Variants in RAB27B observed in about 807,000 individuals in gnomAD.
RAB27B encodes the protein RAB27B, member RAS oncogene family, also known as ras-related protein Rab-27B.
In RAB27B, 15 loss-of-function variants were observed where a neutral mutation model predicts 24.6. The observed-to-expected ratio is 0.61, with a 90% confidence interval of 0.41 to 0.94. The LOEUF (loss-of-function observed/expected upper bound fraction) is 0.94. Ranked by LOEUF, RAB27B falls within the 40% of genes least tolerant of loss-of-function variation. The pLI, the probability that RAB27B is intolerant of heterozygous loss-of-function variation, is 0.00. For synonymous variants in RAB27B, 105 were observed against 92.5 expected (o/e 1.14, Z -0.78); for missense variants, 261 against 266.8 (o/e 0.98, Z 0.15).
At chr18:54,867,442 C>CTTTTCTTTTTT (rs1555666326) in intron 1 of RAB27B, among the ~76,000 whole-genome samples, 577 of 98,764 alleles carry the variant, frequency 5.8e-3, no homozygotes, top group Non-Finnish European at 7.3e-3. Flanking sequence ...CTTTTCTTTT[C>CTTTTCTTTTTT]TTTTTTTTTT....
At chr18:54,876,899 A>G (rs1912725133) in intron 1 of RAB27B, among the ~76,000 whole-genome samples, 1 of 151,910 alleles carries the variant, frequency 6.6e-6, no homozygotes, top group African/African-American at 2.4e-5. Flanking sequence ...CTAATCCCAA[A>G]TGCACTGGTT....
chr18:54,867,123 G>T (rs1240727577), intron 1 of RAB27B, among the ~76,000 whole-genome samples: 2 of 152,086 alleles, frequency 1.3e-5, no homozygotes, highest in East Asian at 3.9e-4. Flanking sequence ...CACTTTCTTT[G>T]GTTTAAGTTT....
chr18:54,789,664 A>C (rs2145108181), intron 2 of RAB27B, among the ~76,000 whole-genome samples: 1 of 152,218 alleles, frequency 6.6e-6, no homozygotes, highest in Admixed American at 6.5e-5. Flanking sequence ...AGGAAAAAAA[A>C]CAATATGATG....
chr18:54,859,103 C>T (rs1448843807), intron 1 of RAB27B, among the ~76,000 whole-genome samples: 5 of 152,236 alleles, frequency 3.3e-5, no homozygotes, highest in Non-Finnish European at 5.9e-5. Context: ...AGTGACTTTG[C>T]AGAGATGAGA....
Position 54,832,914 on chromosome 18 carries a change from G to A in RAB27B, c.-20+4214G>A, listed in dbSNP as rs73956979. Among the ~76,000 whole-genome samples the A allele has an allele frequency of 1.8e-3, 281 of 152,246 alleles. 1 individual carries two copies. The highest frequency in any genetic ancestry group is 6.6e-3 in the African/African-American group (274 of 41,570). On this transcript the variant is annotated intron_variant, in intron 1 of 5. Coordinates refer to ENST00000262094, the MANE Select transcript of RAB27B (RefSeq NM_004163.4). The stretch of plus-strand genomic sequence containing the variant: ...AAAACTATAAAAAATTCTGAAAATA[G>A]CATTTCACCTAATTCTAAAGAGAAT...
chr18:54,836,835 T>C (rs1910913489), intron 1 of RAB27B, among the ~76,000 whole-genome samples: 1 of 150,402 alleles, frequency 6.6e-6, no homozygotes, highest in Admixed American at 6.6e-5. Context: ...AATGACATGC[T>C]TCAAGGAGCA....
intron 2 of RAB27B, among the ~76,000 whole-genome samples, 196 bp downstream of exon 2, chr18:54,877,934 ACT>A (rs1011572027): frequency 6.6e-6 from 1 of 152,004 alleles, no homozygotes; most frequent in Non-Finnish European, 1.5e-5. Context: ...ATTAAGTGGC[ACT>A]CTCTCTTGTC....
chr18:54,847,122 A>G (rs541597425), intron 1 of RAB27B, among the ~76,000 whole-genome samples: 26 of 152,306 alleles, frequency 1.7e-4, no homozygotes, highest in African/African-American at 5.8e-4. Context: ...AAGTGCTGGG[A>G]TTACAGGAGT....
At chr18:54,829,434 T>G (rs1293059956) in intron 1 of RAB27B, among the ~76,000 whole-genome samples, 4 of 152,196 alleles carry the variant, frequency 2.6e-5, no homozygotes, top group Admixed American at 1.3e-4. Context: ...GTTTTGTGAG[T>G]TTTTTATGTC....
At chr18:54,838,490 T>C (rs974869947) in intron 1 of RAB27B, among the ~76,000 whole-genome samples, 1 of 152,156 alleles carries the variant, frequency 6.6e-6, no homozygotes, top group African/African-American at 2.4e-5. Context: ...CCATCACAAG[T>C]ATTTCTGACT....
At chr18:54,885,590 C>T (rs1568116350) in intron 4 of RAB27B, among the ~76,000 whole-genome samples, 2 of 152,076 alleles carry the variant, frequency 1.3e-5, no homozygotes, top group African/African-American at 4.8e-5. Context: ...CTTTATTTAC[C>T]TCTTGACTGA....
At chr18:54,863,566 T>G (rs1028278248) in intron 1 of RAB27B, among the ~76,000 whole-genome samples, 2 of 152,178 alleles carry the variant, frequency 1.3e-5, no homozygotes, top group African/African-American at 4.8e-5. Context: ...TACAGTTCAG[T>G]GTTTTTTTAG....
rs1458454351 is a variant in RAB27B at position 54,782,040 on chromosome 18, G to A, written c.-20+63899G>A. 2.0e-5 allele frequency among the ~76,000 whole-genome samples: 3 copies of A among 152,168 alleles called. No individual in the cohort carries two copies. In the South Asian group the frequency reaches 6.2e-4, roughly 32 times the overall value. On this transcript the variant is annotated intron_variant, in intron 2 of 4. Transcript: ENST00000586570. ...AATTATAGGGATATTTTATTCTGAA[G>A]TATAAAGAGTAAGGTTTTAGAAAGT... is the stretch of plus-strand genomic sequence containing the variant.
chr18:54,820,627 C>A (rs929237686), intron 2 of RAB27B, among the ~76,000 whole-genome samples: 2 of 152,000 alleles, frequency 1.3e-5, no homozygotes, highest in African/African-American at 4.8e-5. Flanking sequence ...TTAATTAGAT[C>A]CCATTTGTCA....
At chr18:54,877,218 G>A (rs1912738660) in intron 1 of RAB27B, among the ~76,000 whole-genome samples, 1 of 152,078 alleles carries the variant, frequency 6.6e-6, no homozygotes, top group Non-Finnish European at 1.5e-5. Flanking sequence ...TAAGTTTCTT[G>A]AGGCCTCCCC....
chr18:54,877,687 C>T lies in RAB27B; in HGVS notation c.102C>T (p.Phe34=). The T allele has an allele frequency of 1.3e-6, 2 of 1,595,924 alleles. No homozygotes were observed. The highest frequency in any genetic ancestry group is 1.7e-6 in the Non-Finnish European group (2 of 1,175,416). ...TFLYRYTDNK[F]NPKFITTVGI... The stretch of plus-strand genomic sequence containing the variant: ...TTTATAGATACACAGATAATAAATT[C>T]AATCCCAAATTCATCACTACAGTAG... The change falls in exon 2 of 6, where the codon TTC becomes TTT. Residue 34 remains phenylalanine (F), a synonymous_variant. Transcript: ENST00000262094.
At chr18:54,824,478 C>T (rs375564554), upstream of RAB27B, among the ~76,000 whole-genome samples, 4 of 152,174 alleles carry the variant, frequency 2.6e-5, no homozygotes, top group East Asian at 5.8e-4. Context: ...ATGTCACACC[C>T]TAATTCAGGT....
chr18:54,826,114 A>G (rs1910462923), upstream of RAB27B, among the ~76,000 whole-genome samples: 1 of 152,242 alleles, frequency 6.6e-6, no homozygotes, highest in African/African-American at 2.4e-5. Context: ...TTATTCTTGT[A>G]ATAAAGCAGT....
intron 5 of RAB27B, among the ~76,000 whole-genome samples, chr18:54,888,375 T>G (rs759790529): frequency 1.3e-5 from 2 of 152,190 alleles, no homozygotes; most frequent in Non-Finnish European, 2.9e-5. Context: ...TAACTAGAGT[T>G]ATCTCATTTT....
Sources: gnomAD v4.1 joint callset for allele counts (sites outside exome capture counted in the v4.1 genomes callset) on GRCh38, gnomAD v4.1.1 for gene constraint, MANE v1.5 for transcripts, NCBI Gene and HGNC (gene_info 2026-07-23, HGNC 2026-07-21) for gene names.